RUNX3: variants seen among roughly 807,000 people sequenced by gnomAD.
The protein encoded by RUNX3 is RUNX family transcription factor 3.
Under a neutral mutation model 27.7 loss-of-function variants are expected in RUNX3, and 10 were observed. The ratio of observed to expected loss-of-function variants is 0.36; its 90% confidence interval spans 0.22 to 0.61. The LOEUF (loss-of-function observed/expected upper bound fraction) is 0.61, where lower values mean the gene tolerates loss of function less well. Ranked by LOEUF, RUNX3 falls within the 20% of genes least tolerant of loss-of-function variation. RUNX3 has a pLI of 0.72. For missense variants in RUNX3, 469 were observed against 629.5 expected (o/e 0.75, Z 2.73); for synonymous variants, 270 against 269.2 (o/e 1.00, Z -0.03).
At chr1:24,903,541 CCT>C (rs1219099585) in intron 4 of RUNX3, among the ~76,000 whole-genome samples, 3 of 152,208 alleles carry the variant, frequency 2.0e-5, no homozygotes, top group Non-Finnish European at 1.5e-5. Flanking sequence ...GGTGTTCCAT[CCT>C]CTGTCCCCAA....
At chr1:24,914,989 C>T (rs1394468426) in intron 3 of RUNX3, among the ~76,000 whole-genome samples, 2 of 152,222 alleles carry the variant, frequency 1.3e-5, no homozygotes, top group Non-Finnish European at 2.9e-5. Context: ...CTTCCTACTA[C>T]CCGAAATGAC....
At chr1:24,936,181 G>A (rs1641347137) in intron 2 of RUNX3, among the ~76,000 whole-genome samples, 1 of 152,252 alleles carries the variant, frequency 6.6e-6, no homozygotes, top group African/African-American at 2.4e-5. Context: ...CTGGCGGGCA[G>A]GGAGAGAAAG....
intron 3 of RUNX3, among the ~76,000 whole-genome samples, chr1:24,912,709 A>T (rs1020812880): frequency 1.3e-5 from 2 of 151,660 alleles, no homozygotes; most frequent in African/African-American, 4.8e-5. Flanking sequence ...TATGGGTGAA[A>T]AAACTGAGGC....
rs145570523 is a variant in RUNX3 at position 24,918,167 on chromosome 1, T to C, written c.544+1073A>G. 4.6e-3 allele frequency among the ~76,000 whole-genome samples: 700 copies of C among 152,168 alleles called. 2 individuals are homozygous for C. Among genetic ancestry groups the C allele is most frequent in the African/African-American group, 0.016 (662 of 41,526 alleles). Reference sequence around the variant, plus strand: ...CCAGATGCTGGGATGGGCCCAGGAATTGGATGATGGGGTGTCAGGCCCAGC... The same window carrying C: ...CCAGATGCTGGGATGGGCCCAGGAACTGGATGATGGGGTGTCAGGCCCAGC... On this transcript the variant is annotated intron_variant, in intron 3 of 4. Coordinates refer to ENST00000308873, the MANE Select transcript of RUNX3 (RefSeq NM_004350.3).
chr1:24,931,237 G>A (rs1486511836), upstream of RUNX3, among the ~76,000 whole-genome samples: 1 of 152,214 alleles, frequency 6.6e-6, no homozygotes, highest in Non-Finnish European at 1.5e-5. Flanking sequence ...TGGCCTCTGC[G>A]GGTCCAACCC....
rs1641188463 is a variant in RUNX3 at position 24,930,104 on chromosome 1, T to C, written c.-236A>G. ...AGCCTGCCCGGCTAGTCCCGCATCC[T>C]CGGCGCGCGGCCCCGCGTGCGGCCG... is the stretch of plus-strand genomic sequence containing the variant. On this transcript the variant is annotated 5_prime_UTR_variant, in exon 1 of 5. Coordinates refer to ENST00000308873, the MANE Select transcript of RUNX3 (RefSeq NM_004350.3). The surrounding 1 kb of genome is among the most constrained non-coding windows in gnomAD (Gnocchi z 4.1). The C allele has an allele frequency of 2.0e-6, 2 of 977,138 alleles. No homozygotes were observed. The highest frequency in any genetic ancestry group is 2.4e-6 in the Non-Finnish European group (2 of 827,140). 60.5% of individuals were successfully genotyped at this position (977,138 alleles called of 1,614,324 possible).
Position 24,955,574 on chromosome 1 carries a change from G to T in RUNX3, c.58+8940C>A, listed in dbSNP as rs567318687. On this transcript the variant is annotated intron_variant, in intron 2 of 6. Transcript: ENST00000338888. ...AAGGACCTAAGCCAGAGGGGTGTGG[G>T]TGGCCAGAGGAGAGAGCCTACCTTA... Among the ~76,000 whole-genome samples, 21 of 152,350 alleles carry T rather than the reference G, an allele frequency of 1.4e-4. 1 individual carries two copies. The East Asian group carries it at 3.7e-3, about 27-fold the overall frequency.
At chr1:24,913,621 A>G (rs1640834742) in intron 3 of RUNX3, among the ~76,000 whole-genome samples, 1 of 152,216 alleles carries the variant, frequency 6.6e-6, no homozygotes, top group Non-Finnish European at 1.5e-5. Context: ...CAGGCATATG[A>G]TAAAGGCCAA....
rs556013358 is a variant in RUNX3, at chr1:24,943,517, C to T, written c.59-13665G>A. Among the ~76,000 whole-genome samples, 8 of 152,278 alleles carry T rather than the reference C, an allele frequency of 5.3e-5. No homozygotes were observed. The South Asian group carries it at 8.3e-4, about 16-fold the overall frequency. ...ACTTACAGTTGGGGAAACTGAGGCTCGGCAAGGTTAAGTAGCCTGCCAAAC... is the reference window on the plus strand; with the variant it reads ...ACTTACAGTTGGGGAAACTGAGGCTTGGCAAGGTTAAGTAGCCTGCCAAAC... On this transcript the variant is annotated intron_variant, in intron 2 of 6. Coordinates refer to the RUNX3 transcript ENST00000338888. The surrounding 1 kb of genome is among the most constrained non-coding windows in gnomAD (Gnocchi z 4.6).
chr1:24,958,514 T>C (rs1251981921), intron 2 of RUNX3, among the ~76,000 whole-genome samples: 1 of 152,184 alleles, frequency 6.6e-6, no homozygotes, highest in Non-Finnish European at 1.5e-5. Context: ...TTCCTTGTTC[T>C]TGTGACTTCT....
At chr1:24,951,204 C>CAAAAAAAAA (rs542137531) in intron 2 of RUNX3, among the ~76,000 whole-genome samples, 1 of 96,456 alleles carries the variant, frequency 1.0e-5, no homozygotes, top group Non-Finnish European at 2.0e-5. Flanking sequence ...GACTCCATCT[C>CAAAAAAAAA]AAAAAAAAAA....
At chr1:24,905,691 A>G (rs1640650921) in intron 4 of RUNX3, among the ~76,000 whole-genome samples, 1 of 152,362 alleles carries the variant, frequency 6.6e-6, no homozygotes, top group Non-Finnish European at 1.5e-5. Context: ...GCTGGTGGAC[A>G]GGAAGCCACT....
At chr1:24,912,410 C>T (rs1331949570) in intron 3 of RUNX3, among the ~76,000 whole-genome samples, 1 of 152,168 alleles carries the variant, frequency 6.6e-6, no homozygotes, top group African/African-American at 2.4e-5. Context: ...CCCCACTCTT[C>T]AGAGCCTCAG....
At chr1:24,929,440 G>A (rs1641168117) in intron 1 of RUNX3, 147 bp downstream of exon 1, 1 of 813,464 alleles carries the variant, frequency 1.2e-6, no homozygotes, top group South Asian at 1.4e-5. Context: ...GGAGCCGAGC[G>A]CGCAGCCAGA....
chr1:24,913,797 C>T (rs543800836), intron 3 of RUNX3, among the ~76,000 whole-genome samples: 2 of 152,318 alleles, frequency 1.3e-5, no homozygotes, highest in East Asian at 1.9e-4. Context: ...GTCCTACCCC[C>T]GCCAGGTACC....
At position 24,901,036 on chromosome 1, in the gene RUNX3, G is replaced by GTTTTTTTTTTTTTTTTTTTTT. The variant is rs3085849; in HGVS notation, c.*1085_*1086insAAAAAAAAAAAAAAAAAAAAA. Reference sequence around the variant, plus strand: ...TGTTTTGTTTTTTTTTTGTTTTTTTGTTTTTTTTTTTTTTTTGCTCAGGAC... The same window carrying GTTTTTTTTTTTTTTTTTTTTT: ...TGTTTTGTTTTTTTTTTGTTTTTTTGTTTTTTTTTTTTTTTTTTTTTTTTTTTTTTTTTTTTTGCTCAGGAC... On this transcript the variant is annotated 3_prime_UTR_variant, in exon 5 of 5. Transcript: ENST00000308873. The GTTTTTTTTTTTTTTTTTTTTT allele has an allele frequency of 2.2e-4, 26 of 116,904 alleles. No homozygotes were observed. The highest frequency in any genetic ancestry group is 4.1e-4 in the African/African-American group (12 of 29,034). 7.2% of individuals were successfully genotyped at this position (116,904 alleles called of 1,614,324 possible).
intron 2 of RUNX3, among the ~76,000 whole-genome samples, chr1:24,960,398 G>C (rs1642076249): frequency 6.6e-6 from 1 of 152,246 alleles, no homozygotes; most frequent in African/African-American, 2.4e-5. Flanking sequence ...GCAGAGGGCA[G>C]AGTCAGGACT....
At chr1:24,915,216 G>A (rs1640866385) in intron 3 of RUNX3, among the ~76,000 whole-genome samples, 1 of 152,210 alleles carries the variant, frequency 6.6e-6, no homozygotes, top group Admixed American at 6.5e-5. Flanking sequence ...TTGAGGTCGG[G>A]AGTTCAAGAC....
In RUNX3 at chr1:24,956,995, C is replaced by A. The variant is rs935708942; in HGVS notation, c.58+7519G>T. 7.2e-5 allele frequency among the ~76,000 whole-genome samples: 11 copies of A among 152,324 alleles called. No individual in the cohort carries two copies. The South Asian group carries it at 8.3e-4, about 11-fold the overall frequency. ...GACCTGCATTTACAAAAGCTCCCCC[C>A]CACAGGGACTGCATGTGCTGGTGGA... On this transcript the variant is annotated intron_variant, in intron 2 of 6. Coordinates refer to the RUNX3 transcript ENST00000338888.
Sources: allele counts gnomAD v4.1 joint callset (sites outside exome capture counted in the v4.1 genomes callset), GRCh38; gene constraint gnomAD v4.1.1; non-coding constraint Gnocchi (gnomAD v3.1); transcripts MANE v1.5; gene names NCBI Gene and HGNC (gene_info 2026-07-23, HGNC 2026-07-21).